Variants in RTN4 observed in about 807,000 individuals in gnomAD.
The protein encoded by RTN4 is reticulon-4.
In RTN4, 32 loss-of-function variants were observed where a neutral mutation model predicts 90.4. That is an observed-to-expected ratio of 0.35 (90% CI 0.27 to 0.48). The LOEUF is 0.48. RTN4 is among the 20% of genes least tolerant of loss of function. The probability of loss-of-function intolerance (pLI) is 0.99; values close to 1 mark genes in which losing one functional copy is unlikely to be tolerated. For synonymous variants in RTN4, 629 were observed against 552.5 expected (o/e 1.14, Z -1.94); for missense variants, 1,706 against 1,430.2 (o/e 1.19, Z -3.11).
At chr2:55,031,288 T>A (rs1488487475) in intron 1 of RTN4, among the ~76,000 whole-genome samples, 3 of 152,234 alleles carry the variant, frequency 2.0e-5, no homozygotes, top group Non-Finnish European at 4.4e-5. Flanking sequence ...GCAAGATGAC[T>A]ACGCTGCTTT....
chr2:55,066,222 T>TGC (rs1668391602), intron 2 of RTN4, among the ~76,000 whole-genome samples: 2 of 149,698 alleles, frequency 1.3e-5, no homozygotes, highest in South Asian at 4.2e-4. Context: ...TGTGTGTGTG[T>TGC]ATGTTTTAAT....
At chr2:55,012,906 C>T (rs1213723792) in intron 3 of RTN4, among the ~76,000 whole-genome samples, 1 of 152,150 alleles carries the variant, frequency 6.6e-6, no homozygotes, top group Non-Finnish European at 1.5e-5. Flanking sequence ...CCCAACTTAA[C>T]AAGTCAAATA....
upstream of RTN4, chr2:55,050,506 T>G: frequency 1.8e-5 from 7 of 385,608 alleles, no homozygotes; most frequent in East Asian, 3.9e-5. This position sits in a 1 kb window ranked among gnomAD's most constrained non-coding sequence, Gnocchi z 4.6. Context: ...CTGTCCCCAC[T>G]TGCCGCCGCC....
At chr2:55,020,093 A>AT (rs1436652225) in intron 3 of RTN4, among the ~76,000 whole-genome samples, 35 of 152,300 alleles carry the variant, frequency 2.3e-4, no homozygotes, top group Admixed American at 2.2e-3. Flanking sequence ...TTCATGAATC[A>AT]TAAGAGTTAA....
chr2:55,079,702 A>G (rs1376423904), intron 2 of RTN4, among the ~76,000 whole-genome samples: 1 of 152,160 alleles, frequency 6.6e-6, no homozygotes, highest in Non-Finnish European at 1.5e-5. Context: ...CAATTTTCTG[A>G]CTCCAGGTAT....
intron 1 of RTN4, among the ~76,000 whole-genome samples, chr2:55,048,079 C>G (rs1667870036): frequency 6.6e-6 from 1 of 152,214 alleles, no homozygotes; most frequent in Non-Finnish European, 1.5e-5. Context: ...TCCTAGGCTA[C>G]TAACCTATAC....
At chr2:55,009,698 A>T (rs1478669675) in intron 3 of RTN4, among the ~76,000 whole-genome samples, 11 of 152,246 alleles carry the variant, frequency 7.2e-5, no homozygotes. Context: ...ACAGAATTTC[A>T]ACTACACCAA....
At chr2:54,976,621 C>G (rs1000818107) in intron 5 of RTN4, among the ~76,000 whole-genome samples, 1 of 152,116 alleles carries the variant, frequency 6.6e-6, no homozygotes, top group Non-Finnish European at 1.5e-5. Context: ...ACTTCGGCGG[C>G]CCAAAACAGA....
chr2:54,999,907 G>A (rs1286336709), intron 3 of RTN4, among the ~76,000 whole-genome samples: 1 of 152,158 alleles, frequency 6.6e-6, no homozygotes, highest in Non-Finnish European at 1.5e-5. Flanking sequence ...AAGACATTAA[G>A]AGGACCTTAA....
upstream of RTN4, among the ~76,000 whole-genome samples, chr2:55,051,695 T>G (rs1384364391): frequency 1.3e-5 from 2 of 152,208 alleles, no homozygotes; most frequent in Admixed American, 6.5e-5. Flanking sequence ...ACTCGGAATG[T>G]ATGTAGCTAG....
At chr2:55,098,812 T>C (rs979814193) in intron 1 of RTN4, among the ~76,000 whole-genome samples, 1 of 152,164 alleles carries the variant, frequency 6.6e-6, no homozygotes, top group African/African-American at 2.4e-5. Flanking sequence ...ATTTGTTCCG[T>C]AGAGTTTCTC....
At chr2:55,056,607 A>C (rs1199585411) in intron 2 of RTN4, 1 of 151,876 alleles carries the variant, frequency 6.6e-6, no homozygotes, top group African/African-American at 2.4e-5. Context: ...TGTCACCCAA[A>C]CTGGGTGACA....
intron 3 of RTN4, among the ~76,000 whole-genome samples, chr2:55,007,346 T>A (rs1680302116): frequency 6.6e-6 from 1 of 152,142 alleles, no homozygotes. Context: ...CCCCAGTTGA[T>A]CTTATGCAGC....
chr2:55,134,854 A>G, the RTN4 span, among the ~76,000 whole-genome samples: 2 of 152,300 alleles, frequency 1.3e-5, no homozygotes, highest in Non-Finnish European at 2.9e-5. Flanking sequence ...GGAGGAAACA[A>G]TTCTGATCGG....
intron 3 of RTN4, among the ~76,000 whole-genome samples, chr2:55,006,289 C>T (rs988677839): frequency 1.3e-5 from 2 of 152,040 alleles, no homozygotes; most frequent in Non-Finnish European, 2.9e-5. Context: ...CCTAAATATT[C>T]GGTTTTAACA....
At chr2:54,984,260 C>G (rs967855290) in intron 4 of RTN4, among the ~76,000 whole-genome samples, 8 of 152,118 alleles carry the variant, frequency 5.3e-5, no homozygotes, top group Non-Finnish European at 1.2e-4. Flanking sequence ...AGATTCAGCT[C>G]TGAAATATAG....
chr2:55,089,969 T>C (rs1668908442), intron 1 of RTN4, among the ~76,000 whole-genome samples: 1 of 152,250 alleles, frequency 6.6e-6, no homozygotes, highest in Non-Finnish European at 1.5e-5. Context: ...GCTGTCTGAA[T>C]GTTAGAATAG....
At position 54,990,564 on chromosome 2, in the gene RTN4, TACTC is replaced by T. The variant is rs530705801; in HGVS notation, c.3014-2870_3014-2867del. Among the ~76,000 whole-genome samples, 474 of 152,324 alleles carry T rather than the reference TACTC, an allele frequency of 3.1e-3. 3 individuals carry two copies. Among genetic ancestry groups the T allele is most frequent in the African/African-American group, 0.011 (438 of 41,568 alleles). Reference sequence around the variant, plus strand: ...ATTATTACCACAATCACAATCATCTTACTCAATACTTAAATAGTAAATACATAAA... The same window carrying T: ...ATTATTACCACAATCACAATCATCTTAATACTTAAATAGTAAATACATAAA... On this transcript the variant is annotated intron_variant, in intron 3 of 8. Transcript: ENST00000337526.
chr2:54,991,456 T>C (rs75458878), intron 3 of RTN4, among the ~76,000 whole-genome samples: 196 of 152,362 alleles, frequency 1.3e-3, no homozygotes, highest in African/African-American at 4.6e-3. Flanking sequence ...ACCCACATCC[T>C]AGCATGTACC....
Sources: gnomAD v4.1 joint callset for allele counts (sites outside exome capture counted in the v4.1 genomes callset) on GRCh38, gnomAD v4.1.1 for gene constraint, Gnocchi (gnomAD v3.1) non-coding constraint, MANE v1.5 for transcripts, NCBI Gene and HGNC (gene_info 2026-07-23, HGNC 2026-07-21) for gene names.